Variants in CACHD1 observed in about 807,000 individuals in gnomAD.
CACHD1 encodes the protein VWFA and cache domain-containing protein 1.
CACHD1 carries 71 observed loss-of-function variants against 138.7 expected under a neutral mutation model. The observed-to-expected ratio is 0.51, with a 90% CI of 0.42 to 0.62. The LOEUF is 0.62. Among genes scored for constraint, CACHD1 ranks in the 20% least tolerant of loss-of-function variants. CACHD1 has a pLI of 0.00. For missense variants in CACHD1, 1,389 were observed against 1,625.3 expected (o/e 0.85, Z 2.50); for synonymous variants, 578 against 591.5 (o/e 0.98, Z 0.33).
intron 1 of CACHD1, among the ~76,000 whole-genome samples, chr1:64,522,550 G>T (rs888223317): frequency 1.0e-5 from 1 of 99,266 alleles, no homozygotes; most frequent in Non-Finnish European, 2.5e-5. Context: ...TGATCCGCCT[G>T]CCCGCTTCAG....
At chr1:64,498,631 A>G (rs186813533) in intron 1 of CACHD1, among the ~76,000 whole-genome samples, 1 of 152,304 alleles carries the variant, frequency 6.6e-6, no homozygotes, top group African/African-American at 2.4e-5. Flanking sequence ...TCAGTATTTG[A>G]AATGTGAAAA....
rs529567146 is a variant in CACHD1 at position 64,482,323 on chromosome 1, G to A, written c.198+11381G>A. On this transcript the variant is annotated intron_variant, in intron 1 of 26. Coordinates refer to ENST00000651257, the MANE Select transcript of CACHD1 (RefSeq NM_020925.4). ...GGCCTTCTTTGTTCTAACACAATCC[G>A]CTTTAATTGATTGGCTCTCTCTAAA... 6.6e-5 allele frequency among the ~76,000 whole-genome samples: 10 copies of A among 152,104 alleles called. No homozygotes were observed. The East Asian group carries it at 7.7e-4, about 12-fold the overall frequency.
rs753067458 is a variant in CACHD1 at position 64,693,040 on chromosome 1, CCG to C, written c.*1480_*1481del. 70 of 152,622 alleles carry C rather than the reference CCG, an allele frequency of 4.6e-4. No individual in the cohort carries two copies. Among genetic ancestry groups the C allele is most frequent in the Non-Finnish European group, 5.4e-4 (37 of 68,018 alleles). 9.5% of individuals were successfully genotyped at this position (152,622 alleles called of 1,614,324 possible). On this transcript the variant is annotated 3_prime_UTR_variant, in exon 27 of 27. Coordinates refer to ENST00000651257, the MANE Select transcript of CACHD1 (RefSeq NM_020925.4). ...TAAAATTGCAATCTAGTGAAATAAA[CCG>C]TATGCAATGGACCATTTTAGTGGCT...
chr1:64,654,755 G>C lies in CACHD1; in HGVS notation c.1734G>C (p.Leu578=), dbSNP rs1485052732. ...CCCTGTCTTGGCACATAAACAAGCT[G>C]AGAGAAACTGGAAAGGAAGCCTACA... is the stretch of plus-strand genomic sequence containing the variant. The part of the protein sequence containing the change: ...NSSLSWHINK[L]RETGKEAYNV... The change falls in exon 12 of 27, where the codon CTG becomes CTC. Residue 578 remains leucine, a synonymous_variant. Transcript: ENST00000651257. The C allele has an allele frequency of 1.2e-6, 2 of 1,613,934 alleles. No individual in the cohort carries two copies. The highest frequency in any genetic ancestry group is 3.3e-5 in the Admixed American group (2 of 60,010).
intron 16 of CACHD1, among the ~76,000 whole-genome samples, chr1:64,667,470 A>G (rs941152877): frequency 1.1e-4 from 16 of 152,188 alleles, no homozygotes; most frequent in African/African-American, 3.9e-4. Flanking sequence ...AGGGTATGGT[A>G]TCTGTCTGAA....
chr1:64,682,470 C>T (rs1213068372), intron 26 of CACHD1, among the ~76,000 whole-genome samples: 1 of 152,150 alleles, frequency 6.6e-6, no homozygotes, highest in Non-Finnish European at 1.5e-5. Context: ...AGAATCTGTG[C>T]TGTCCTCCAG....
intron 7 of CACHD1, among the ~76,000 whole-genome samples, chr1:64,638,451 A>G (rs538493144): frequency 4.6e-5 from 7 of 152,320 alleles, no homozygotes; most frequent in South Asian, 4.1e-4. Flanking sequence ...GCCTTATATC[A>G]ACCAGAAGGT....
chr1:64,587,796 C>T (rs1336833562), intron 3 of CACHD1, among the ~76,000 whole-genome samples: 1 of 152,150 alleles, frequency 6.6e-6, no homozygotes, highest in Non-Finnish European at 1.5e-5. Flanking sequence ...CCTGGGCTCT[C>T]CCACAAGGAG....
At chr1:64,684,030 G>A (rs867972016) in intron 26 of CACHD1, among the ~76,000 whole-genome samples, 5 of 152,170 alleles carry the variant, frequency 3.3e-5, no homozygotes, top group African/African-American at 7.2e-5. Flanking sequence ...ACAACACTTC[G>A]CATATACTAC....
chr1:64,686,293 A>G (rs1177637948), intron 26 of CACHD1, among the ~76,000 whole-genome samples: 3 of 152,240 alleles, frequency 2.0e-5, no homozygotes, highest in Non-Finnish European at 1.5e-5. Context: ...CTCTCATGGT[A>G]TGAGTTCAGA....
intron 3 of CACHD1, among the ~76,000 whole-genome samples, chr1:64,583,727 C>T (rs533783104): frequency 3.3e-5 from 5 of 152,100 alleles, no homozygotes; most frequent in African/African-American, 9.6e-5. Flanking sequence ...ACAATCATGG[C>T]GGAAAGTGAA....
At position 64,682,013 on chromosome 1, in the gene CACHD1, A is replaced by T; in HGVS notation, c.3493A>T (p.Thr1165Ser). ...SHEDRGIISN[T>S]RFIAAVIERH... Reference sequence around the variant, plus strand: ...TCCTTGGCTTCCTACAGTCAGCAACACTCGGTTTATAGCTGCGGTCATCGA... The same window carrying T: ...TCCTTGGCTTCCTACAGTCAGCAACTCTCGGTTTATAGCTGCGGTCATCGA... The change falls in exon 26 of 27, where the codon ACT (threonine) becomes TCT (serine). Residue 1165 changes from threonine to serine, a missense_variant. By Grantham distance (58) the Thr-to-Ser change is moderately conservative (BLOSUM62 1). Coordinates refer to ENST00000651257, the MANE Select transcript of CACHD1 (RefSeq NM_020925.4). 3 of 1,614,002 alleles carry T rather than the reference A, an allele frequency of 1.9e-6. No homozygotes were observed. Among genetic ancestry groups the T allele is most frequent in the Non-Finnish European group, 2.5e-6 (3 of 1,179,958 alleles).
intron 4 of CACHD1, among the ~76,000 whole-genome samples, chr1:64,619,173 C>T (rs1275953279): frequency 6.6e-6 from 1 of 152,072 alleles, no homozygotes; most frequent in African/African-American, 2.4e-5. Context: ...ATTGGAAGGA[C>T]AACGTCTGGG....
At chr1:64,617,392 A>G (rs1283657033) in intron 4 of CACHD1, among the ~76,000 whole-genome samples, 1 of 151,906 alleles carries the variant, frequency 6.6e-6, no homozygotes, top group East Asian at 1.9e-4. Flanking sequence ...GGTGGAGCCC[A>G]GAAGTTTATC....
intron 4 of CACHD1, among the ~76,000 whole-genome samples, chr1:64,603,315 A>G (rs1007629141): frequency 2.0e-5 from 3 of 151,996 alleles, no homozygotes; most frequent in Admixed American, 6.6e-5. Flanking sequence ...TGTGTTAGCC[A>G]GGATGGTCTC....
intron 2 of CACHD1, among the ~76,000 whole-genome samples, chr1:64,556,069 A>C (rs1323905875): frequency 1.3e-5 from 2 of 152,200 alleles, no homozygotes; most frequent in African/African-American, 4.8e-5. Flanking sequence ...CCCATCTTCA[A>C]ACCCTGAGGT....
At chr1:64,664,750 A>G (rs1570464683) in intron 15 of CACHD1, 71 bp downstream of exon 15, 6 of 1,368,480 alleles carry the variant, frequency 4.4e-6, no homozygotes, top group East Asian at 2.3e-5. Context: ...AGTACATACA[A>G]TAAAGCAACT....
intron 1 of CACHD1, among the ~76,000 whole-genome samples, chr1:64,480,382 C>A (rs1646201610): frequency 6.6e-6 from 1 of 151,670 alleles, no homozygotes; most frequent in Non-Finnish European, 1.5e-5. Context: ...CCTTTTTTTT[C>A]CGCATTTTTC....
Position 64,523,028 on chromosome 1 carries a change from C to A in CACHD1, c.199-27566C>A, listed in dbSNP as rs115025401. 7.3e-3 allele frequency among the ~76,000 whole-genome samples: 1,108 copies of A among 152,310 alleles called. 5 individuals are homozygous for A. Among genetic ancestry groups the A allele is most frequent in the Middle Eastern group, 0.024 (7 of 292 alleles). On this transcript the variant is annotated intron_variant, in intron 1 of 26. Coordinates refer to ENST00000651257, the MANE Select transcript of CACHD1 (RefSeq NM_020925.4). ...AAGCATAAGTAGCCATGATGGCCTT[C>A]CCTTCTGTTTACTGCTGCCTCCATC...
Sources: gnomAD v4.1 joint callset for allele counts (sites outside exome capture counted in the v4.1 genomes callset) on GRCh38, gnomAD v4.1.1 for gene constraint, MANE v1.5 for transcripts, NCBI Gene and HGNC (gene_info 2026-07-23, HGNC 2026-07-21) for gene names.